NCAPH2: variants seen among roughly 807,000 people sequenced by gnomAD.
The protein encoded by NCAPH2 is non-SMC condensin II complex subunit H2.
In NCAPH2, 56 loss-of-function variants were observed where a neutral mutation model predicts 88.6. The ratio of observed to expected loss-of-function variants is 0.63; its 90% CI spans 0.51 to 0.79. The LOEUF is 0.79. NCAPH2 is among the 30% of genes least tolerant of loss of function. The pLI, the probability that NCAPH2 is intolerant of heterozygous loss-of-function variation, is 0.00. For synonymous variants in NCAPH2, 378 were observed against 313.6 expected, an observed-to-expected ratio of 1.21 and a Z score of -2.17; for missense variants, 794 against 792.0, an observed-to-expected ratio of 1.00 and a Z score of -0.03.
In NCAPH2 at chr22:50,508,370, C is replaced by A. The variant is rs1246789971; in HGVS notation, c.33C>A (p.Leu11=). ...ACGTGGAGGCGCGCTTCGCCCACCT[C>A]TTGCAGCCCATCCGCGACCTCACCA... The part of the protein sequence containing the change: MEDVEARFAH[L]LQPIRDLTKN... Residue 11 remains leucine, a synonymous_variant, in exon 1 of 20, where the codon CTC becomes CTA. Coordinates refer to ENST00000420993, the MANE Select transcript of NCAPH2 (RefSeq NM_152299.4). 4 of 1,484,710 alleles carry A rather than the reference C, an allele frequency of 2.7e-6. No individual in the cohort carries two copies. Among genetic ancestry groups the A allele is most frequent in the Non-Finnish European group, 3.6e-6 (4 of 1,121,696 alleles). 92.0% of individuals were successfully genotyped at this position (1,484,710 alleles called of 1,614,324 possible). A position where few individuals can be genotyped will look rare whatever the true frequency, so the allele number is the denominator to read the frequency against.
In NCAPH2 at chr22:50,523,945, C is replaced by G; in HGVS notation, c.*570C>G. Reference sequence around the variant, plus strand: ...GAAGACAGGCTGCACTGGAGGCAAACCAGGCTCTGCTTCCAGCTGCCGCAC... The same window carrying G: ...GAAGACAGGCTGCACTGGAGGCAAAGCAGGCTCTGCTTCCAGCTGCCGCAC... On this transcript the variant is annotated 3_prime_UTR_variant, in exon 20 of 20. Coordinates refer to ENST00000420993, the MANE Select transcript of NCAPH2 (RefSeq NM_152299.4). The G allele has an allele frequency of 6.2e-7, 1 of 1,612,530 alleles. No individual in the cohort carries two copies. Among genetic ancestry groups the G allele is most frequent in the Non-Finnish European group, 8.5e-7 (1 of 1,179,018 alleles).
chr22:50,513,838 G>T (rs1356275944), intron 1 of NCAPH2, among the ~76,000 whole-genome samples: 1 of 152,150 alleles, frequency 6.6e-6, no homozygotes. Context: ...GAAAATGTAT[G>T]GTCCTGTGGA....
intron 1 of NCAPH2, among the ~76,000 whole-genome samples, chr22:50,512,556 T>A (rs57756269): frequency 6.7e-6 from 1 of 148,168 alleles, no homozygotes; most frequent in Admixed American, 6.8e-5. Flanking sequence ...TTTTTTTTTT[T>A]GTTTTTTTTT....
chr22:50,523,112 G>C lies in NCAPH2; in HGVS notation c.1623G>C (p.Val541=). Residue 541 remains valine (V), a synonymous_variant, in exon 19 of 20, where the codon GTG becomes GTC. Transcript: ENST00000420993. ...AGTGGTGTCCCTTTGCGGAGCTGGT[G>C]GCTGGCCAGCCGGCCTTCGAGGTGT... ...LNEWCPFAEL[V]AGQPAFEVCR... 6.2e-7 allele frequency: 1 copy of C among 1,613,582 alleles called. No homozygotes were observed. The highest frequency in any genetic ancestry group is 2.2e-5 in the East Asian group (1 of 44,876).
Position 50,521,018 on chromosome 22 carries a change from G to A in NCAPH2, c.915G>A (p.Glu305=). The A allele has an allele frequency of 1.3e-6, 2 of 1,550,740 alleles. No individual in the cohort carries two copies. Among genetic ancestry groups the A allele is most frequent in the South Asian group, 1.2e-5 (1 of 84,062 alleles). The change falls in exon 10 of 20, where the codon GAG becomes GAA. Residue 305 remains glutamate, a synonymous_variant. Coordinates refer to ENST00000420993, the MANE Select transcript of NCAPH2 (RefSeq NM_152299.4). The stretch of plus-strand genomic sequence containing the variant: ...TGCGGGAGCGGGAGGGGGCCCCAGA[G>A]CCTGCATCCTGCGTGAAGGTAGGAG... ...YMLREREGAP[E]PASCVKETPD...
At chr22:50,513,097 T>C (rs1179638063) in intron 1 of NCAPH2, among the ~76,000 whole-genome samples, 1 of 152,274 alleles carries the variant, frequency 6.6e-6, no homozygotes, top group African/African-American at 2.4e-5. Context: ...TTTTATGTGC[T>C]TTACACATAT....
At chr22:50,514,549 T>C (rs2068865727) in intron 1 of NCAPH2, among the ~76,000 whole-genome samples, 2 of 151,752 alleles carry the variant, frequency 1.3e-5, no homozygotes, top group South Asian at 2.1e-4. Context: ...CCTGGGGAGG[T>C]GAGAAGACAA....
rs1005040439 is a variant in NCAPH2, at chr22:50,516,657, T to A, written c.210+109T>A. 3.2e-6 allele frequency: 3 copies of A among 928,310 alleles called. No individual in the cohort carries two copies. The African/African-American group carries it at 4.9e-5, about 15-fold the overall frequency. The allele number at this position is 928,310 out of a possible 1,614,324, so 57.5% of individuals were successfully genotyped here. ...TCGTCCCGTCTGTGACCTACCTCCC[T>A]CTCTCCTCAGGTCTCAGCCAATTCC... On this transcript the variant is annotated intron_variant, in intron 2 of 19. Coordinates refer to ENST00000420993, the MANE Select transcript of NCAPH2 (RefSeq NM_152299.4).
chr22:50,509,460 G>A (rs2068726398), intron 1 of NCAPH2, among the ~76,000 whole-genome samples: 1 of 152,122 alleles, frequency 6.6e-6, no homozygotes, highest in African/African-American at 2.4e-5. Flanking sequence ...AGCTAAATGT[G>A]GCTATAGTGA....
At position 50,524,240 on chromosome 22, in the gene NCAPH2, G is replaced by A. The variant is rs745534256; in HGVS notation, c.*865G>A. The A allele has an allele frequency of 3.1e-6, 5 of 1,606,320 alleles. No homozygotes were observed. Among genetic ancestry groups the A allele is most frequent in the Middle Eastern group, 1.7e-4 (1 of 6,046 alleles). On this transcript the variant is annotated 3_prime_UTR_variant, in exon 20 of 20. Coordinates refer to ENST00000420993, the MANE Select transcript of NCAPH2 (RefSeq NM_152299.4). ...AGGCCTGTGATCAGCAGCCGGGTTCGAAGCCCAGGGCCCTGGGGCTGGCCC... is the reference window on the plus strand; with the variant it reads ...AGGCCTGTGATCAGCAGCCGGGTTCAAAGCCCAGGGCCCTGGGGCTGGCCC...
chr22:50,519,303 T>C lies in NCAPH2; in HGVS notation c.844T>C (p.Ser282Pro). 1 of 1,607,724 alleles carries C rather than the reference T, an allele frequency of 6.2e-7. No individual in the cohort carries two copies. Among genetic ancestry groups the C allele is most frequent in the East Asian group, 2.2e-5 (1 of 44,698 alleles). Reference sequence around the variant, plus strand: ...CAAGGCCGCTCTGGAGCCCAAGGAGTCCAGGAGCCCGCAGCAGGTGGGACC... The same window carrying C: ...CAAGGCCGCTCTGGAGCCCAAGGAGCCCAGGAGCCCGCAGCAGGTGGGACC... ...APKAALEPKE[S>P]RSPQQSAALP... is the part of the protein sequence containing the mutation. Residue 282 changes from serine to proline, a missense_variant, in exon 9 of 20, where the codon TCC (serine) becomes CCC (proline). Ser to Pro is a moderately conservative substitution (Grantham distance 74, BLOSUM62 -1). Coordinates refer to ENST00000420993, the MANE Select transcript of NCAPH2 (RefSeq NM_152299.4).
intron 9 of NCAPH2, chr22:50,520,493 A>T (rs896484064): frequency 6.7e-6 from 1 of 150,350 alleles, no homozygotes; most frequent in African/African-American, 2.5e-5. Context: ...GGCTCAAGTG[A>T]TCTACCCGCC....
intron 1 of NCAPH2, among the ~76,000 whole-genome samples, chr22:50,508,706 C>T (rs535604410): frequency 6.6e-6 from 1 of 152,230 alleles, no homozygotes; most frequent in Non-Finnish European, 1.5e-5. Flanking sequence ...TGGGTGGTGA[C>T]CAGCCGTTTC....
At chr22:50,522,754 G>C (rs1450388435) in intron 17 of NCAPH2, 34 bp downstream of exon 17, 5 of 1,612,388 alleles carry the variant, frequency 3.1e-6, no homozygotes, top group Non-Finnish European at 4.2e-6. Context: ...GGGGAGGGGA[G>C]GGGGACAGGT....
chr22:50,517,526 G>T (rs377259008), intron 3 of NCAPH2, 44 bp downstream of exon 3: 2 of 1,613,908 alleles, frequency 1.2e-6, no homozygotes, highest in African/African-American at 2.7e-5. Context: ...CATGTGGCCA[G>T]GGAGGCCCCT....
At position 50,522,355 on chromosome 22, in the gene NCAPH2, T is replaced by G. The variant is rs2069129909; in HGVS notation, c.1246T>G (p.Trp416Gly). The change falls in exon 15 of 20, where the codon TGG (tryptophan) becomes GGG (glycine). Residue 416 changes from tryptophan to glycine, a missense_variant. By Grantham distance (184) the Trp-to-Gly change is radical. This residue lies in a region of NCAPH2 where 735 missense variants were observed against 696.3 expected (regional missense o/e 1.06). Coordinates refer to ENST00000420993, the MANE Select transcript of NCAPH2 (RefSeq NM_152299.4). ...KLQRREVAEQ[W>G]LRPAEEDHLE... ...TTTCTCTGGACAGGTGGCTGAGCAGTGGCTGCGGCCTGCAGAGGAGGACCA... is the reference window on the plus strand; with the variant it reads ...TTTCTCTGGACAGGTGGCTGAGCAGGGGCTGCGGCCTGCAGAGGAGGACCA... 1 of 1,605,732 alleles carries G rather than the reference T, an allele frequency of 6.2e-7. No individual in the cohort carries two copies. The highest frequency in any genetic ancestry group is 8.5e-7 in the Non-Finnish European group (1 of 1,175,386).
chr22:50,519,750 T>C (rs1026136709), intron 9 of NCAPH2: 1 of 1,009,078 alleles, frequency 9.9e-7, no homozygotes, highest in African/African-American at 1.7e-5. Context: ...AAAATCAACC[T>C]GATGCATACA....
At chr22:50,512,077 C>T (rs896188352) in intron 1 of NCAPH2, among the ~76,000 whole-genome samples, 5 of 152,200 alleles carry the variant, frequency 3.3e-5, no homozygotes, top group East Asian at 1.9e-4. Flanking sequence ...TGAGCCACTG[C>T]GACTGGCCAC....
In NCAPH2 at chr22:50,517,616, C is replaced by T; in HGVS notation, c.306C>T (p.Ala102=). 1 of 1,614,120 alleles carries T rather than the reference C, an allele frequency of 6.2e-7. No homozygotes were observed. The highest frequency in any genetic ancestry group is 2.2e-5 in the East Asian group (1 of 44,884). The change falls in exon 4 of 20, where the codon GCC becomes GCT. Residue 102 remains alanine (A), a synonymous_variant. Transcript: ENST00000420993. ...KQLSSVQEDR[A]NGVASSGVPQ... is the part of the protein sequence containing the mutation. ...TCTCTTCGGTGCAGGAGGACAGGGCCAATGGGGTTGCCAGCTCCGGGGTCC... is the reference window on the plus strand; with the variant it reads ...TCTCTTCGGTGCAGGAGGACAGGGCTAATGGGGTTGCCAGCTCCGGGGTCC...
Sources: allele counts gnomAD v4.1 joint callset (sites outside exome capture counted in the v4.1 genomes callset), GRCh38; gene constraint gnomAD v4.1.1; regional missense constraint gnomAD v4.1.1; transcripts MANE v1.5; gene names NCBI Gene and HGNC (gene_info 2026-07-23, HGNC 2026-07-21).